Variants in EPHA6 observed in about 807,000 individuals in gnomAD.
EPHA6 encodes the protein ephrin type-A receptor 6.
A neutral mutation model predicts 112.0 loss-of-function variants in EPHA6; 50 were observed. The ratio of observed to expected loss-of-function variants is 0.45; its 90% CI spans 0.36 to 0.56. The LOEUF (loss-of-function observed/expected upper bound fraction) is 0.56. Ranked by LOEUF, EPHA6 falls within the 20% of genes least tolerant of loss-of-function variation. The pLI is 0.00. For synonymous variants in EPHA6, 529 were observed against 490.7 expected, an observed-to-expected ratio of 1.08 and a Z score of -1.03; for missense variants, 1,280 against 1,417.4, an observed-to-expected ratio of 0.90 and a Z score of 1.56.
intron 14 of EPHA6, among the ~76,000 whole-genome samples, chr3:97,646,855 C>T (rs980161976): frequency 2.0e-5 from 3 of 152,156 alleles, no homozygotes; most frequent in Non-Finnish European, 2.9e-5. Flanking sequence ...TCCTCCAAGG[C>T]TGAAGAAAGC....
At chr3:97,146,790 C>T (rs191326084) in intron 3 of EPHA6, among the ~76,000 whole-genome samples, 1 of 151,756 alleles carries the variant, frequency 6.6e-6, no homozygotes, top group East Asian at 1.9e-4. Context: ...AATTGTTTCC[C>T]ACTTCTAATT....
chr3:96,829,997 T>C (rs1032188394), intron 1 of EPHA6, among the ~76,000 whole-genome samples: 2 of 127,558 alleles, frequency 1.6e-5, no homozygotes, highest in East Asian at 4.9e-4. Flanking sequence ...ACAGAAATGG[T>C]ATGCTATTTG....
intron 5 of EPHA6, among the ~76,000 whole-genome samples, chr3:97,249,162 C>G (rs1187348709): frequency 1.3e-5 from 2 of 151,936 alleles, no homozygotes; most frequent in African/African-American, 2.4e-5. Flanking sequence ...CTGACTTTAA[C>G]TAAGAAAGAT....
chr3:96,995,105 T>C (rs566636321), intron 3 of EPHA6, among the ~76,000 whole-genome samples: 1 of 152,086 alleles, frequency 6.6e-6, no homozygotes, highest in Non-Finnish European at 1.5e-5. Flanking sequence ...TGACATTGTA[T>C]TGATTTGATC....
At chr3:97,044,059 C>T (rs768098649) in intron 3 of EPHA6, among the ~76,000 whole-genome samples, 3 of 152,208 alleles carry the variant, frequency 2.0e-5, no homozygotes, top group African/African-American at 7.2e-5. Context: ...GATCTCCATA[C>T]AGTCAGTAGA....
chr3:97,676,116 C>A (rs1399996493), intron 14 of EPHA6, among the ~76,000 whole-genome samples: 2 of 152,004 alleles, frequency 1.3e-5, no homozygotes, highest in South Asian at 2.1e-4. Context: ...AGGAAGGGAT[C>A]CACACTAGAG....
At chr3:97,217,770 A>G (rs2078072883) in intron 3 of EPHA6, among the ~76,000 whole-genome samples, 1 of 152,218 alleles carries the variant, frequency 6.6e-6, no homozygotes, top group Non-Finnish European at 1.5e-5. Context: ...GGCAAGAAGT[A>G]TAAAATTTCT....
intron 6 of EPHA6, among the ~76,000 whole-genome samples, chr3:97,434,887 T>G (rs976808035): frequency 6.6e-6 from 1 of 151,912 alleles, no homozygotes; most frequent in Non-Finnish European, 1.5e-5. Flanking sequence ...TTCTTGCCCT[T>G]CTTCCCACCC....
At chr3:97,646,184 T>A (rs1239328541) in intron 14 of EPHA6, 1 of 1,535,634 alleles carries the variant, frequency 6.5e-7, no homozygotes, top group Admixed American at 2.0e-5. Context: ...AAAGCTTGTG[T>A]GAGCAGTGCG....
At chr3:96,870,969 A>T (rs1039352944) in intron 2 of EPHA6, among the ~76,000 whole-genome samples, 9 of 152,082 alleles carry the variant, frequency 5.9e-5, no homozygotes, top group Non-Finnish European at 1.0e-4. Flanking sequence ...ATTATCCAAA[A>T]CTATACCATG....
At chr3:97,085,995 C>T (rs540610547) in intron 3 of EPHA6, among the ~76,000 whole-genome samples, 3 of 145,028 alleles carry the variant, frequency 2.1e-5, no homozygotes, top group East Asian at 2.0e-4. Flanking sequence ...AGTGCAGTGG[C>T]GTGATCTCAG....
chr3:97,217,526 A>G (rs1168126534), intron 3 of EPHA6, among the ~76,000 whole-genome samples: 2 of 152,192 alleles, frequency 1.3e-5, no homozygotes, highest in Non-Finnish European at 2.9e-5. Context: ...AGACCGAGGT[A>G]TGTGCTGCTT....
intron 5 of EPHA6, among the ~76,000 whole-genome samples, chr3:97,270,685 T>G (rs2079848706): frequency 6.6e-6 from 1 of 152,210 alleles, no homozygotes; most frequent in Non-Finnish European, 1.5e-5. Flanking sequence ...ACTGACTGCT[T>G]TTATTCAGTT....
At chr3:97,248,918 C>T (rs1262153085) in intron 5 of EPHA6, among the ~76,000 whole-genome samples, 1 of 152,020 alleles carries the variant, frequency 6.6e-6, no homozygotes, top group Non-Finnish European at 1.5e-5. Context: ...ATAGTGTAAA[C>T]ATTCATTTGT....
At chr3:97,430,766 T>G (rs2089455138) in intron 6 of EPHA6, among the ~76,000 whole-genome samples, 1 of 152,136 alleles carries the variant, frequency 6.6e-6, no homozygotes, top group Admixed American at 6.6e-5. Context: ...GCATTTCTCT[T>G]AATGCTTTCA....
At chr3:97,016,971 G>A (rs1268154008) in intron 3 of EPHA6, among the ~76,000 whole-genome samples, 1 of 152,172 alleles carries the variant, frequency 6.6e-6, no homozygotes, top group African/African-American at 2.4e-5. Context: ...TTCATTTGCT[G>A]ATGGACATTT....
At chr3:97,314,213 C>T (rs1244043459) in intron 5 of EPHA6, among the ~76,000 whole-genome samples, 2 of 151,602 alleles carry the variant, frequency 1.3e-5, no homozygotes, top group African/African-American at 4.8e-5. Flanking sequence ...TCTGGGCTTT[C>T]TATTCTTTCC....
At chr3:97,636,876 C>A (rs1292141016) in intron 13 of EPHA6, among the ~76,000 whole-genome samples, 1 of 151,930 alleles carries the variant, frequency 6.6e-6, no homozygotes, top group Admixed American at 6.6e-5. Flanking sequence ...ATAAATGTTG[C>A]ATGATGTATA....
At chr3:97,066,828 C>G (rs1019519219) in intron 3 of EPHA6, among the ~76,000 whole-genome samples, 18 of 152,038 alleles carry the variant, frequency 1.2e-4, no homozygotes, top group African/African-American at 3.6e-4. Context: ...ACTAAATGTT[C>G]CTTGAGTATG....
Sources: allele counts gnomAD v4.1 joint callset (sites outside exome capture counted in the v4.1 genomes callset), GRCh38; gene constraint gnomAD v4.1.1; transcripts MANE v1.5; gene names NCBI Gene and HGNC (gene_info 2026-07-23, HGNC 2026-07-21).